NPHS1: variants seen among roughly 807,000 people sequenced by gnomAD.
The protein encoded by NPHS1 is NPHS1 adhesion molecule, nephrin.
NPHS1 carries 107 observed loss-of-function variants against 139.7 expected under a neutral mutation model. The observed-to-expected ratio is 0.77, with a 90% CI of 0.66 to 0.90. The LOEUF is 0.90. Among genes scored for constraint, NPHS1 ranks in the 40% least tolerant of loss-of-function variants. The pLI is 0.00. For synonymous variants in NPHS1, 707 were observed against 706.6 expected (o/e 1.00, Z -0.01); for missense variants, 1,580 against 1,654.2 (o/e 0.96, Z 0.78).
chr19:35,837,784 T>C (rs1972988901), intron 22 of NPHS1, among the ~76,000 whole-genome samples: 1 of 151,970 alleles, frequency 6.6e-6, no homozygotes, highest in African/African-American at 2.4e-5. Context: ...GTATTTTCAG[T>C]AGAGACAGGG....
At position 35,849,377 on chromosome 19, in the gene NPHS1, G is replaced by A. The variant is rs1220417064; in HGVS notation, c.713-14C>T. 1 of 1,609,546 alleles carries A rather than the reference G, an allele frequency of 6.2e-7. No homozygotes were observed. The highest frequency in any genetic ancestry group is 1.7e-5 in the Admixed American group (1 of 59,868). ...GTCCTGGAGGGACTGGGGGATATCA[G>A]TCACTCAGTGGGCCTGGAGTAGCCC... On this transcript the variant is annotated splice_polypyrimidine_tract_variant and intron_variant, in intron 6 of 28. Coordinates refer to ENST00000378910, the MANE Select transcript of NPHS1 (RefSeq NM_004646.4).
rs1255558433 is a variant in NPHS1 at position 35,845,224 on chromosome 19, T to C, written c.1930+144A>G. The stretch of plus-strand genomic sequence containing the variant: ...GTTGGAGACTGCAGTGACCTATGAT[T>C]GCGTCACTGCATTGCAGCCTGAGCG... On this transcript the variant is annotated intron_variant, in intron 14 of 28. Coordinates refer to ENST00000378910, the MANE Select transcript of NPHS1 (RefSeq NM_004646.4). This position sits in a 1 kb window ranked among gnomAD's most constrained non-coding sequence, Gnocchi z 5.5. The C allele has an allele frequency of 4.4e-6, 4 of 900,202 alleles. No individual in the cohort carries two copies. The African/African-American group carries it at 6.7e-5, about 15-fold the overall frequency. The allele number at this position is 900,202 out of a possible 1,614,324, so 55.8% of individuals were successfully genotyped here.
chr19:35,851,608 C>T lies in NPHS1; in HGVS notation c.123G>A (p.Leu41=). ...PRGFWALPEN[L]TVVEGASVEL... ...CCACTGAGGCCCCCTCCACCACCGT[C>T]AGGTTTTCAGGCAGGGCCCAGAAGC... The change falls in exon 2 of 29, where the codon CTG becomes CTA. Residue 41 remains leucine, a synonymous_variant. Transcript: ENST00000378910. The T allele has an allele frequency of 6.2e-7, 1 of 1,614,010 alleles. No individual in the cohort carries two copies. Among genetic ancestry groups the T allele is most frequent in the Middle Eastern group, 1.7e-4 (1 of 6,058 alleles).
rs1973273694 is a variant in NPHS1, at chr19:35,851,838, C to A, written c.-1G>T. The A allele has an allele frequency of 6.4e-7, 1 of 1,551,132 alleles. No homozygotes were observed. Among genetic ancestry groups the A allele is most frequent in the Non-Finnish European group, 8.7e-7 (1 of 1,147,098 alleles). ...CCCTGAGCGTCGTCCCCAGGGCCAT[C>A]ACAGGTCCCCCTACTGTGACCCCCA... On this transcript the variant is annotated 5_prime_UTR_variant, in exon 1 of 29. Transcript: ENST00000378910.
chr19:35,849,251 T>C lies in NPHS1; in HGVS notation c.825A>G (p.Thr275=), dbSNP rs767772136. 3 of 1,613,930 alleles carry C rather than the reference T, an allele frequency of 1.9e-6. No homozygotes were observed. The highest frequency in any genetic ancestry group is 1.7e-6 in the Non-Finnish European group (2 of 1,180,028). The change falls in exon 7 of 29, where the codon ACA becomes ACG. Residue 275 remains threonine, a synonymous_variant. Transcript: ENST00000378910. ...CVARGGNPLA[T]LQWLKNGQPV... Reference sequence around the variant, plus strand: ...TTGCCCTCACCTTCAGCCACTGCAGTGTGGCTAAGGGATTACCCCCTCGGG... The same window carrying C: ...TTGCCCTCACCTTCAGCCACTGCAGCGTGGCTAAGGGATTACCCCCTCGGG...
chr19:35,851,751 G>T (rs772288321), intron 1 of NPHS1, 29 bp downstream of exon 1: 4 of 1,556,452 alleles, frequency 2.6e-6, no homozygotes, highest in Non-Finnish European at 3.5e-6. Flanking sequence ...GCCACTTGGC[G>T]CTGGGTACAA....
rs761853821 is a variant in NPHS1, at chr19:35,850,993, G to A, written c.494C>T (p.Ala165Val). The A allele has an allele frequency of 2.1e-5, 34 of 1,614,018 alleles. No homozygotes were observed. In the Middle Eastern group the frequency reaches 8.2e-4, roughly 39 times the overall value. ...EYVVNCVSGD[A>V]KPAPDITILL... ...AATGGTGATGTCAGGTGCTGGCTTC[G>A]CGTCCCCAGACACACAGTTGACCAC... The change falls in exon 4 of 29, where the codon GCG becomes GTG. Residue 165 changes from alanine (A) to valine (V), a missense_variant. Coordinates refer to ENST00000378910, the MANE Select transcript of NPHS1 (RefSeq NM_004646.4).
At position 35,849,092 on chromosome 19, in the gene NPHS1, C is replaced by A. The variant is rs755582721; in HGVS notation, c.896G>T (p.Arg299Leu). Residue 299 changes from arginine to leucine, a missense_variant, in exon 8 of 29, where the codon CGC becomes CTC. Physicochemically the swap from Arg to Leu is moderately radical, Grantham distance 102. Transcript: ENST00000378910. Reference protein sequence around the residue: ...WGTEHTQAVARSVLVMTVRPE... With the variant: ...WGTEHTQAVALSVLVMTVRPE... Reference sequence around the variant, plus strand: ...CCTCACGGTCATCACCAGCACACTGCGGGCCACCGCCTGGGTGTGCTCTGT... The same window carrying A: ...CCTCACGGTCATCACCAGCACACTGAGGGCCACCGCCTGGGTGTGCTCTGT... The A allele has an allele frequency of 5.6e-6, 9 of 1,609,500 alleles. No individual in the cohort carries two copies. The highest frequency in any genetic ancestry group is 7.6e-6 in the Non-Finnish European group (9 of 1,180,014).
chr19:35,845,919 T>C lies in NPHS1; in HGVS notation c.1627+89A>G, dbSNP rs112388097. 5.0e-3 allele frequency: 7,698 copies of C among 1,526,158 alleles called. 325 individuals carry two copies. In the African/African-American group the frequency reaches 0.092, roughly 18 times the overall value. The allele number at this position is 1,526,158 out of a possible 1,614,324, so 94.5% of individuals were successfully genotyped here. ...TCCCCCACCCCGCCTCCGCCCGCTT[T>C]CCCCGGGTCCAGGGTTCGCTGGGTC... On this transcript the variant is annotated intron_variant, in intron 12 of 28. Transcript: ENST00000378910. The surrounding 1 kb of genome is among the most constrained non-coding windows in gnomAD (Gnocchi z 5.5).
rs1973019038 is a variant in NPHS1, at chr19:35,839,279, C to G, written c.3067G>C (p.Gly1023Arg). 1.2e-6 allele frequency: 2 copies of G among 1,614,072 alleles called. No homozygotes were observed. Among genetic ancestry groups the G allele is most frequent in the Admixed American group, 1.7e-5 (1 of 59,994 alleles). ...LLASNALGDS[G>R]LADKGTQLPI... Reference sequence around the variant, plus strand: ...AGCTGGGTCCCTTTGTCAGCCAGTCCACTGTCCCCCAAGGCATTACTGGCC... The same window carrying G: ...AGCTGGGTCCCTTTGTCAGCCAGTCGACTGTCCCCCAAGGCATTACTGGCC... The change falls in exon 22 of 29, where the codon GGA becomes CGA. Residue 1023 changes from glycine (G) to arginine (R), a missense_variant. Coordinates refer to ENST00000378910, the MANE Select transcript of NPHS1 (RefSeq NM_004646.4).
Position 35,839,404 on chromosome 19 carries a change from C to T in NPHS1, c.2942G>A (p.Gly981Glu). Reference sequence around the variant, plus strand: ...ATCCACATAGTGGAACCCTGGAGTCCCCAGGGCCTCATACCTGCAGGACAG... The same window carrying T: ...ATCCACATAGTGGAACCCTGGAGTCTCCAGGGCCTCATACCTGCAGGACAG... The part of the protein sequence containing the change: ...QRFCIRYEAL[G>E]TPGFHYVDVV... Residue 981 changes from glycine to glutamate, a missense_variant, in exon 22 of 29, where the codon GGG becomes GAG. By Grantham distance (98) the Gly-to-Glu change is moderately conservative (BLOSUM62 -2). Transcript: ENST00000378910. 1.9e-6 allele frequency: 3 copies of T among 1,613,896 alleles called. No individual in the cohort carries two copies. Among genetic ancestry groups the T allele is most frequent in the Non-Finnish European group, 2.5e-6 (3 of 1,179,970 alleles).
In NPHS1 at chr19:35,850,447, T is replaced by C; in HGVS notation, c.527-2A>G. 1.2e-6 allele frequency: 2 copies of C among 1,613,936 alleles called. No individual in the cohort carries two copies. Among genetic ancestry groups the C allele is most frequent in the Non-Finnish European group, 1.7e-6 (2 of 1,179,826 alleles). ...AGATGTCAGATATTGTCTGTCCACC[T>C]TGGGGCAGCAAGAGGGCTAGAGGGG... On this transcript the variant is annotated splice_acceptor_variant, in intron 4 of 28. Coordinates refer to ENST00000378910, the MANE Select transcript of NPHS1 (RefSeq NM_004646.4). LOFTEE classifies it high-confidence loss of function.
Position 35,845,671 on chromosome 19 carries a change from C to T in NPHS1, c.1755G>A (p.Glu585=). The T allele has an allele frequency of 6.2e-7, 1 of 1,613,656 alleles. No homozygotes were observed. Among genetic ancestry groups the T allele is most frequent in the Non-Finnish European group, 8.5e-7 (1 of 1,179,818 alleles). The change falls in exon 13 of 29, where the codon GAG becomes GAA. Residue 585 remains glutamate (E), a splice_region_variant and synonymous_variant. Coordinates refer to ENST00000378910, the MANE Select transcript of NPHS1 (RefSeq NM_004646.4). This position sits in a 1 kb window ranked among gnomAD's most constrained non-coding sequence, Gnocchi z 5.5. The part of the protein sequence containing the change: ...PVNLSWDKEG[E]RLEGVAAPPR... Reference sequence around the variant, plus strand: ...GGAGGGATCCCTCGCACTCCCACCTCTCCCCTTCCTTGTCCCAGGACAAGT... The same window carrying T: ...GGAGGGATCCCTCGCACTCCCACCTTTCCCCTTCCTTGTCCCAGGACAAGT...
chr19:35,850,589 C>A (rs1973225367), intron 4 of NPHS1, 144 bp from the exon 5 acceptor site: 1 of 770,234 alleles, frequency 1.3e-6, no homozygotes, highest in Admixed American at 2.0e-5. Context: ...GAGCTGCATC[C>A]CCTCCCGACT....
intron 11 of NPHS1, among the ~76,000 whole-genome samples, chr19:35,847,344 CTTTTT>C (rs34920536): frequency 3.3e-5 from 2 of 59,880 alleles, no homozygotes; most frequent in South Asian, 5.5e-4. Flanking sequence ...TGTGCCCAGC[CTTTTT>C]TTTTTTTTTT....
Position 35,842,395 on chromosome 19 carries a change from G to A in NPHS1, c.2490C>T (p.Leu830=), listed in dbSNP as rs114635782. Residue 830 remains leucine, a synonymous_variant, in exon 18 of 29, where the codon CTC becomes CTT. Coordinates refer to ENST00000378910, the MANE Select transcript of NPHS1 (RefSeq NM_004646.4). ...NGVAPPARRL[L]RLVVRFAPQV... ...AATACCCACATCTGACAACAAGACG[G>A]AGCAGCCGTCGTGCTGGAGGCGCCA... 6.2e-7 allele frequency: 1 copy of A among 1,614,052 alleles called. No individual in the cohort carries two copies. The highest frequency in any genetic ancestry group is 1.3e-5 in the African/African-American group (1 of 75,038).
rs117894015 is a variant in NPHS1, at chr19:35,826,264, C to T, written c.*250G>A. 9.6e-4 allele frequency: 466 copies of T among 486,136 alleles called. 13 individuals are homozygous for T. The East Asian group carries it at 0.015, about 16-fold the overall frequency. 30.1% of individuals were successfully genotyped at this position (486,136 alleles called of 1,614,324 possible). On this transcript the variant is annotated 3_prime_UTR_variant, in exon 29 of 29. Transcript: ENST00000378910. Reference sequence around the variant, plus strand: ...ACCCGGCAGCATTTCATTTTTGAGACGACGTTTACAATCTGCCCTGTCCTT... The same window carrying T: ...ACCCGGCAGCATTTCATTTTTGAGATGACGTTTACAATCTGCCCTGTCCTT...
In NPHS1 at chr19:35,844,384, G is replaced by C. The variant is rs1973105714; in HGVS notation, c.2006C>G (p.Ser669Cys). ...VEQGEALLPV[S>C]VSANPAPEAF... is the part of the protein sequence containing the mutation. ...CTCGGGGGCGGGGTTAGCGGACACG[G>C]ACACGGGCAGCAACGCCTCGCCCTG... The change falls in exon 15 of 29, where the codon TCC (serine) becomes TGC (cysteine). Residue 669 changes from serine (S) to cysteine (C), a missense_variant. Coordinates refer to ENST00000378910, the MANE Select transcript of NPHS1 (RefSeq NM_004646.4). The C allele has an allele frequency of 1.2e-6, 2 of 1,612,612 alleles. No homozygotes were observed. Among genetic ancestry groups the C allele is most frequent in the African/African-American group, 1.3e-5 (1 of 74,922 alleles).
intron 22 of NPHS1, among the ~76,000 whole-genome samples, chr19:35,837,587 TTCTCTCTCTCTC>T (rs58943001): frequency 6.7e-6 from 1 of 149,164 alleles, no homozygotes; most frequent in Admixed American, 6.7e-5. Flanking sequence ...GCTTCTTTCT[TTCTCTCTCTCTC>T]TCTCTCTCTC....
Sources: gnomAD v4.1 joint callset for allele counts (sites outside exome capture counted in the v4.1 genomes callset) on GRCh38, gnomAD v4.1.1 for gene constraint, Gnocchi (gnomAD v3.1) non-coding constraint, MANE v1.5 for transcripts, NCBI Gene and HGNC (gene_info 2026-07-23, HGNC 2026-07-21) for gene names.